DPYSL4: variants seen among roughly 807,000 people sequenced by gnomAD.
DPYSL4 encodes the protein dihydropyrimidinase-related protein 4.
In DPYSL4, 43 loss-of-function variants were observed where a neutral mutation model predicts 63.4. That is an observed-to-expected ratio of 0.68 (90% CI 0.53 to 0.88). DPYSL4 has a LOEUF of 0.88. Among genes scored for constraint, DPYSL4 ranks in the 40% least tolerant of loss-of-function variants. The probability of loss-of-function intolerance (pLI) is 0.00; values close to 1 mark genes in which losing one functional copy is unlikely to be tolerated. For synonymous variants in DPYSL4, 353 were observed against 331.7 expected (o/e 1.06, Z -0.70); for missense variants, 733 against 819.5 (o/e 0.89, Z 1.29).
In DPYSL4 at chr10:132,198,877, T is replaced by G; in HGVS notation, c.717T>G (p.Ala239=). The G allele has an allele frequency of 6.2e-7, 1 of 1,612,980 alleles. No individual in the cohort carries two copies. Among genetic ancestry groups the G allele is most frequent in the Non-Finnish European group, 8.5e-7 (1 of 1,179,924 alleles). ...TGGAGGCTGAGGCGGTGTACCGAGC[T>G]GTCACCATCGCCAAGCAGGCAAACT... ...EEVEAEAVYR[A]VTIAKQANCP... is the part of the protein sequence containing the mutation. The change falls in exon 8 of 14, where the codon GCT becomes GCG. Residue 239 remains alanine (A), a synonymous_variant. Coordinates refer to ENST00000338492, the MANE Select transcript of DPYSL4 (RefSeq NM_006426.3).
At chr10:132,195,855 G>C (rs1486186592) in intron 4 of DPYSL4, among the ~76,000 whole-genome samples, 1 of 152,226 alleles carries the variant, frequency 6.6e-6, no homozygotes, top group Non-Finnish European at 1.5e-5. Context: ...TCGTGTCTCA[G>C]AGCGGAGGTG....
chr10:132,195,074 CCT>C (rs2137508708), intron 4 of DPYSL4, 65 bp downstream of exon 4: 9 of 1,531,384 alleles, frequency 5.9e-6, no homozygotes, highest in Middle Eastern at 2.0e-4. Flanking sequence ...CTGCCCTGAC[CCT>C]GTGTTCTGCC....
Position 132,192,669 on chromosome 10 carries a change from A to G in DPYSL4, c.140A>G (p.Glu47Gly), listed in dbSNP as rs1246987531. Residue 47 changes from glutamate (E) to glycine (G), a missense_variant, in exon 3 of 14, where the codon GAA (glutamate) becomes GGA (glycine). Glu to Gly is a moderately conservative substitution (Grantham distance 98, BLOSUM62 -2). Transcript: ENST00000338492. ...VEDGLIKQIG[E>G]NLIVPGGIKT... ...TCTGCTGCTTTCAGACAAATCGGAGAAAACCTCATCGTCCCTGGGGGCATC... is the reference window on the plus strand; with the variant it reads ...TCTGCTGCTTTCAGACAAATCGGAGGAAACCTCATCGTCCCTGGGGGCATC... 1 of 1,604,076 alleles carries G rather than the reference A, an allele frequency of 6.2e-7. No individual in the cohort carries two copies. The highest frequency in any genetic ancestry group is 1.1e-5 in the South Asian group (1 of 89,812).
intron 3 of DPYSL4, among the ~76,000 whole-genome samples, 167 bp from the exon 4 acceptor site, chr10:132,194,678 G>A (rs918799623): frequency 6.6e-5 from 10 of 152,176 alleles, no homozygotes; most frequent in African/African-American, 1.9e-4. Flanking sequence ...GCAATAGAAC[G>A]GGTTCGTGGC....
chr10:132,197,259 G>A (rs964741557), intron 6 of DPYSL4, among the ~76,000 whole-genome samples, 158 bp downstream of exon 6: 1 of 152,206 alleles, frequency 6.6e-6, no homozygotes, highest in African/African-American at 2.4e-5. Flanking sequence ...AGCTTACCCC[G>A]AGTCAAAGGT....
chr10:132,199,590 T>C (rs2061986016), intron 8 of DPYSL4, among the ~76,000 whole-genome samples: 1 of 150,482 alleles, frequency 6.6e-6, no homozygotes, highest in African/African-American at 2.5e-5. Context: ...CCTCTGGATC[T>C]GGTCTGGTTT....
At chr10:132,201,408 C>T (rs1335985916) in intron 10 of DPYSL4, among the ~76,000 whole-genome samples, 3 of 152,258 alleles carry the variant, frequency 2.0e-5, no homozygotes, top group Non-Finnish European at 4.4e-5. Context: ...GCCTTCCCAG[C>T]CTCCAGGGCT....
At position 132,192,376 on chromosome 10, in the gene DPYSL4, G is replaced by A. The variant is rs188862320; in HGVS notation, c.129-282G>A. On this transcript the variant is annotated intron_variant, in intron 2 of 13. Transcript: ENST00000338492. ...CTGCTTCCGTTTGTCAAGCTGCTCC[G>A]TCCTCTAGTCAAAAAAGTACCAACC... 9.2e-4 allele frequency: 992 copies of A among 1,080,476 alleles called. 1 individual carries two copies. Among genetic ancestry groups the A allele is most frequent in the Middle Eastern group, 1.2e-3 (3 of 2,426 alleles). 66.9% of individuals were successfully genotyped at this position (1,080,476 alleles called of 1,614,324 possible).
chr10:132,204,246 G>A (rs533176171), intron 13 of DPYSL4, among the ~76,000 whole-genome samples: 6 of 152,296 alleles, frequency 3.9e-5, no homozygotes, highest in East Asian at 1.9e-4. Flanking sequence ...AGGCCTTGAC[G>A]AGGATCTCAG....
chr10:132,198,386 G>A (rs2061971253), intron 6 of DPYSL4, 29 bp from the exon 7 acceptor site: 5 of 1,592,432 alleles, frequency 3.1e-6, no homozygotes, highest in Non-Finnish European at 4.3e-6. Flanking sequence ...TTCAGGGCTT[G>A]GAGCGAGGCA....
At chr10:132,200,620 G>C in intron 9 of DPYSL4, 108 bp downstream of exon 9, 1 of 1,452,440 alleles carries the variant, frequency 6.9e-7, no homozygotes, top group Non-Finnish European at 9.2e-7. Context: ...AGGGCAGCCC[G>C]GACAGTGGCG....
chr10:132,205,313 G>A lies in DPYSL4; in HGVS notation c.*383G>A, dbSNP rs115894950. The stretch of plus-strand genomic sequence containing the variant: ...GTGAACCGGCGAGGGGCCGAGTCCC[G>A]CCTGGTGGGCATTTGCCGCCGCCTC... On this transcript the variant is annotated 3_prime_UTR_variant, in exon 14 of 14. Coordinates refer to ENST00000338492, the MANE Select transcript of DPYSL4 (RefSeq NM_006426.3). 4,612 of 172,176 alleles carry A rather than the reference G, an allele frequency of 0.027. 161 individuals are homozygous for A. Among genetic ancestry groups the A allele is most frequent in the South Asian group, 0.1 (543 of 5,398 alleles). The allele number at this position is 172,176 out of a possible 1,614,324, so 10.7% of individuals were successfully genotyped here.
chr10:132,201,018 G>T (rs1312315739), intron 10 of DPYSL4, 35 bp downstream of exon 10: 1 of 1,607,110 alleles, frequency 6.2e-7, no homozygotes, highest in South Asian at 1.1e-5. Flanking sequence ...CGCCGTCTGG[G>T]GAGCGGCTGT....
At chr10:132,204,503 G>A (rs751615003) in intron 13 of DPYSL4, among the ~76,000 whole-genome samples, 3 of 152,172 alleles carry the variant, frequency 2.0e-5, no homozygotes, top group Non-Finnish European at 4.4e-5. Context: ...ACCCGGCACT[G>A]TCTGGGAGGC....
rs375872837 is a variant in DPYSL4, at chr10:132,204,859, A to G, written c.1648A>G (p.Ile550Val). ...SLSGSQADDH[I>V]ARRTAQKIMA... is the part of the protein sequence containing the mutation. ...TTCAGGGTCTCAGGCTGATGACCAC[A>G]TCGCCCGACGCACAGCACAGAAGAT... The change falls in exon 14 of 14, where the codon ATC becomes GTC. Residue 550 changes from isoleucine (I) to valine (V), a missense_variant. Coordinates refer to ENST00000338492, the MANE Select transcript of DPYSL4 (RefSeq NM_006426.3). 8.1e-6 allele frequency: 13 copies of G among 1,611,920 alleles called. No homozygotes were observed. The African/African-American group carries it at 1.3e-4, about 17-fold the overall frequency.
intron 2 of DPYSL4, chr10:132,192,336 C>T: frequency 9.8e-7 from 1 of 1,021,200 alleles, no homozygotes; most frequent in Non-Finnish European, 1.2e-6. Context: ...CTGGTGCCCA[C>T]ATCTATTAGC....
intron 1 of DPYSL4, among the ~76,000 whole-genome samples, chr10:132,188,863 C>T (rs1250996897): frequency 2.0e-5 from 3 of 152,218 alleles, no homozygotes; most frequent in African/African-American, 7.2e-5. Flanking sequence ...GATTCTTAGC[C>T]TAGGGCTGTA....
In DPYSL4 at chr10:132,200,476, C is replaced by T. The variant is rs2061998892; in HGVS notation, c.932C>T (p.Pro311Leu). ...FVTSPPVNPD[P>L]TTADHLTCLL... ...ACATCACCCCCTGTCAACCCAGACC[C>T]CACCACGGCGGACCACCTCACCTGC... is the stretch of plus-strand genomic sequence containing the variant. Residue 311 changes from proline to leucine, a missense_variant, in exon 9 of 14, where the codon CCC (proline) becomes CTC (leucine). Pro to Leu is a moderately conservative substitution (Grantham distance 98). Transcript: ENST00000338492. 17 of 1,613,284 alleles carry T rather than the reference C, an allele frequency of 1.1e-5. No individual in the cohort carries two copies. The highest frequency in any genetic ancestry group is 5.0e-5 in the Admixed American group (3 of 59,978).
rs753689740 is a variant in DPYSL4, at chr10:132,204,945, C to T, written c.*15C>T. On this transcript the variant is annotated 3_prime_UTR_variant, in exon 14 of 14. Coordinates refer to ENST00000338492, the MANE Select transcript of DPYSL4 (RefSeq NM_006426.3). Reference sequence around the variant, plus strand: ...CTCTCTCCTAGACGCCCAGGACCGGCCCTGTGAGCCGTGCTGGCCCCACCC... The same window carrying T: ...CTCTCTCCTAGACGCCCAGGACCGGTCCTGTGAGCCGTGCTGGCCCCACCC... 10 of 1,602,474 alleles carry T rather than the reference C, an allele frequency of 6.2e-6. No homozygotes were observed. In the African/African-American group the frequency reaches 1.3e-4, roughly 21 times the overall value.
Sources: allele counts gnomAD v4.1 joint callset (sites outside exome capture counted in the v4.1 genomes callset), GRCh38; gene constraint gnomAD v4.1.1; transcripts MANE v1.5; gene names NCBI Gene and HGNC (gene_info 2026-07-23, HGNC 2026-07-21).